Variants in GASK1A observed in about 807,000 individuals in gnomAD.
The protein encoded by GASK1A is golgi associated kinase 1A.
In GASK1A, 40 loss-of-function variants were observed where a neutral mutation model predicts 41.2. That is an observed-to-expected ratio of 0.97 (90% CI 0.75 to 1.27). The LOEUF is 1.27. GASK1A is among the 50% of genes most tolerant of loss of function. The pLI is 0.00. For synonymous variants in GASK1A, 316 were observed against 307.1 expected (o/e 1.03, Z -0.30); for missense variants, 678 against 745.1 (o/e 0.91, Z 1.05).
chr3:43,015,296 G>A (rs2089484920), intron 1 of GASK1A, among the ~76,000 whole-genome samples: 1 of 150,288 alleles, frequency 6.7e-6, no homozygotes, highest in South Asian at 2.1e-4. Flanking sequence ...GGAAGGGGCT[G>A]TGTGAAGCCA....
chr3:42,993,255 T>C (rs1222925392), intron 1 of GASK1A, among the ~76,000 whole-genome samples: 1 of 152,250 alleles, frequency 6.6e-6, no homozygotes, highest in African/African-American at 2.4e-5. Flanking sequence ...CAATAATGAA[T>C]GTAGGCACCA....
chr3:43,025,796 A>G (rs1389384371), intron 1 of GASK1A, among the ~76,000 whole-genome samples: 1 of 152,220 alleles, frequency 6.6e-6, no homozygotes, highest in East Asian at 1.9e-4. Flanking sequence ...TTCTTCTTAA[A>G]AAAGTACCAT....
chr3:43,033,115 C>T lies in GASK1A; in HGVS notation c.852C>T (p.Pro284=), dbSNP rs867122854. 33 of 1,550,996 alleles carry T rather than the reference C, an allele frequency of 2.1e-5. No homozygotes were observed. The Middle Eastern group carries it at 6.7e-4, about 31-fold the overall frequency. Residue 284 remains proline (P), a synonymous_variant, in exon 2 of 5, where the codon CCC becomes CCT. Coordinates refer to ENST00000430121, the MANE Select transcript of GASK1A (RefSeq NM_001129908.3). The stretch of plus-strand genomic sequence containing the variant: ...AGGTGGTGGACAAAGCCAGGGTCCC[C>T]GCCCATGGGCAGGTGCTACAGGTTG... The part of the protein sequence containing the change: ...QGEVVDKARV[P]AHGQVLQVGF...
At chr3:43,016,771 C>T (rs565706006) in intron 1 of GASK1A, among the ~76,000 whole-genome samples, 8 of 151,570 alleles carry the variant, frequency 5.3e-5, no homozygotes, top group South Asian at 2.1e-4. Context: ...CAGGAAGGGA[C>T]GGTGGGAAGT....
At chr3:43,011,066 G>A (rs546382593) in intron 1 of GASK1A, among the ~76,000 whole-genome samples, 2 of 152,258 alleles carry the variant, frequency 1.3e-5, no homozygotes, top group East Asian at 3.9e-4. Context: ...CTTCAAATGT[G>A]CCAAGAGGGC....
At chr3:43,002,791 A>G (rs2089416933) in intron 1 of GASK1A, among the ~76,000 whole-genome samples, 1 of 152,160 alleles carries the variant, frequency 6.6e-6, no homozygotes, top group Admixed American at 6.5e-5. Context: ...TGGCCACTAG[A>G]AACTTTGAAA....
At chr3:42,986,132 T>G (rs1356759734) in intron 1 of GASK1A, among the ~76,000 whole-genome samples, 1 of 152,228 alleles carries the variant, frequency 6.6e-6, no homozygotes, top group East Asian at 1.9e-4. Flanking sequence ...TACGGTGGAC[T>G]ACTCCTCAGC....
intron 1 of GASK1A, among the ~76,000 whole-genome samples, chr3:43,007,477 A>G (rs1343064561): frequency 6.6e-6 from 1 of 152,160 alleles, no homozygotes; most frequent in Non-Finnish European, 1.5e-5. Context: ...CTTCTTCTTA[A>G]GTCGACTTTC....
At chr3:43,013,542 A>G (rs1016842562) in intron 1 of GASK1A, among the ~76,000 whole-genome samples, 14 of 147,884 alleles carry the variant, frequency 9.5e-5, no homozygotes, top group African/African-American at 3.5e-4. Flanking sequence ...TCACAGGAAC[A>G]GGCATTGTGA....
rs13100594 is a variant in GASK1A at position 42,984,327 on chromosome 3, A to T, written c.3+4682A>T. 4.6e-5 allele frequency among the ~76,000 whole-genome samples: 7 copies of T among 150,998 alleles called. No homozygotes were observed. Among genetic ancestry groups the T allele is most frequent in the South Asian group, 2.1e-4 (1 of 4,754 alleles). On this transcript the variant is annotated intron_variant, in intron 1 of 4. Transcript: ENST00000430121. This position sits in a 1 kb window ranked among gnomAD's most constrained non-coding sequence, Gnocchi z 4.2. ...CTCTCTCTCTCTTTCTCTCTCTCTC[A>T]CACACACACACGCTGACTTTCACAC...
At chr3:42,986,136 C>A (rs1287931215) in intron 1 of GASK1A, among the ~76,000 whole-genome samples, 1 of 152,184 alleles carries the variant, frequency 6.6e-6, no homozygotes, top group East Asian at 1.9e-4. Flanking sequence ...GTGGACTACT[C>A]CTCAGCAATA....
chr3:42,999,899 A>G (rs2089400317), intron 1 of GASK1A, among the ~76,000 whole-genome samples: 1 of 152,098 alleles, frequency 6.6e-6, no homozygotes, highest in Non-Finnish European at 1.5e-5. Flanking sequence ...ATCTTCAGAG[A>G]CCATCATTCT....
intron 1 of GASK1A, among the ~76,000 whole-genome samples, chr3:43,004,494 G>A: frequency 6.6e-6 from 1 of 152,198 alleles, no homozygotes; most frequent in South Asian, 2.1e-4. Context: ...CCTCTTCTCA[G>A]TAGAAGATGA....
intron 1 of GASK1A, among the ~76,000 whole-genome samples, chr3:42,987,768 G>T (rs1413622161): frequency 6.6e-6 from 1 of 152,042 alleles, no homozygotes; most frequent in South Asian, 2.1e-4. Flanking sequence ...GAAGGCTGAG[G>T]TGGACAGATC....
intron 2 of GASK1A, among the ~76,000 whole-genome samples, chr3:43,045,256 G>A (rs1161374313): frequency 1.3e-5 from 2 of 152,090 alleles, no homozygotes; most frequent in African/African-American, 4.8e-5. Context: ...AGCCATGAGG[G>A]GTTTTATGCC....
At chr3:43,014,564 T>G (rs2089480500) in intron 1 of GASK1A, among the ~76,000 whole-genome samples, 1 of 148,970 alleles carries the variant, frequency 6.7e-6, no homozygotes, top group Non-Finnish European at 1.5e-5. Context: ...TGTGGGAAGT[T>G]GCAGGAAGGG....
At position 43,029,946 on chromosome 3, in the gene GASK1A, G is replaced by A. The variant is rs554847240; in HGVS notation, c.4-2321G>A. On this transcript the variant is annotated intron_variant, in intron 1 of 4. Coordinates refer to ENST00000430121, the MANE Select transcript of GASK1A (RefSeq NM_001129908.3). ...GGGCGGCATTCCTCCAGGCCATGCC[G>A]TTGGAAGGAAGGGGAAGGTCAAATG... Among the ~76,000 whole-genome samples the A allele has an allele frequency of 1.0e-3, 156 of 152,316 alleles. 2 individuals are homozygous for A. Among genetic ancestry groups the A allele is most frequent in the African/African-American group, 3.5e-3 (147 of 41,568 alleles).
chr3:43,037,058 TA>T (rs1481438992), intron 2 of GASK1A: 3 of 519,288 alleles, frequency 5.8e-6, no homozygotes, highest in Non-Finnish European at 1.0e-5. Context: ...TGTGAAAAAT[TA>T]AGAGCATGCT....
rs1018366067 is a variant in GASK1A, at chr3:43,032,803, A to C, written c.540A>C (p.Ala180=). Residue 180 remains alanine, a synonymous_variant, in exon 2 of 5, where the codon GCA becomes GCC. Coordinates refer to ENST00000430121, the MANE Select transcript of GASK1A (RefSeq NM_001129908.3). The stretch of plus-strand genomic sequence containing the variant: ...GTCCACTCCCAGGGAGTGACATGGC[A>C]GCTTTACCGGCTTGGAGAGCTACTT... The part of the protein sequence containing the change: ...LVSPLPGSDM[A]ALPAWRATSG... The C allele has an allele frequency of 6.4e-6, 10 of 1,550,428 alleles. No individual in the cohort carries two copies. The Admixed American group carries it at 2.0e-4, about 30-fold the overall frequency.
Sources: gnomAD v4.1 joint callset for allele counts (sites outside exome capture counted in the v4.1 genomes callset) on GRCh38, gnomAD v4.1.1 for gene constraint, Gnocchi (gnomAD v3.1) non-coding constraint, MANE v1.5 for transcripts, NCBI Gene and HGNC (gene_info 2026-07-23, HGNC 2026-07-21) for gene names.